The following BCLAF3 variants were observed in gnomAD, a reference collection of about 807,000 sequenced individuals.
BCLAF3 encodes BCLAF1 and THRAP3 family member 3.
In BCLAF3, 24 loss-of-function variants were observed where a neutral mutation model predicts 51.2. The observed-to-expected ratio is 0.47, with a 90% confidence interval of 0.34 to 0.66. The LOEUF (loss-of-function observed/expected upper bound fraction) is 0.66. BCLAF3 is among the 30% of genes least tolerant of loss of function. BCLAF3 has a pLI of 0.01. For synonymous variants in BCLAF3, 152 were observed against 176.6 expected, an observed-to-expected ratio of 0.86 and a Z score of 1.10; for missense variants, 465 against 525.1, an observed-to-expected ratio of 0.89 and a Z score of 1.12.
chrX:19,919,001 C>T (rs2070033120), intron 11 of BCLAF3, among the ~76,000 whole-genome samples: 2 of 111,348 alleles, frequency 1.8e-5, no homozygotes, highest in South Asian at 7.5e-4. Context: ...ACTACATAGC[C>T]ATCCTAAAGT....
intron 8 of BCLAF3, among the ~76,000 whole-genome samples, chrX:19,946,598 T>C (rs2071309053): frequency 8.9e-6 from 1 of 112,069 alleles, no homozygotes; most frequent in African/African-American, 3.2e-5. Context: ...CTTCTCTGGT[T>C]AGAACCCAAA....
intron 1 of BCLAF3, among the ~76,000 whole-genome samples, chrX:19,970,737 T>G (rs1169131635): frequency 1.8e-5 from 2 of 111,762 alleles, no homozygotes; most frequent in African/African-American, 6.5e-5. Context: ...ATATACTAGG[T>G]TAAAGGCACT....
chrX:19,918,484 C>T (rs2070000661), intron 11 of BCLAF3, among the ~76,000 whole-genome samples: 2 of 107,174 alleles, frequency 1.9e-5, no homozygotes, highest in African/African-American at 3.4e-5. Context: ...AACCTATCTC[C>T]ACTTGATCCC....
At chrX:19,921,572 G>A (rs2070159129) in intron 11 of BCLAF3, among the ~76,000 whole-genome samples, 1 of 108,991 alleles carries the variant, frequency 9.2e-6, no homozygotes, top group African/African-American at 3.4e-5. Context: ...GGAGGGTGGC[G>A]CATGCCTGTA....
chrX:19,964,926 C>T (rs1052530659), intron 4 of BCLAF3, 118 bp downstream of exon 4: 2 of 603,678 alleles, frequency 3.3e-6, no homozygotes, highest in Non-Finnish European at 4.7e-6. Flanking sequence ...GGGGAAAATT[C>T]TTGGCAATCC....
In BCLAF3 at chrX:19,966,567, C is replaced by A. The variant is rs754030858; in HGVS notation, c.124G>T (p.Asp42Tyr). The change falls in exon 3 of 12, where the codon GAT becomes TAT. Residue 42 changes from aspartate to tyrosine, a missense_variant. Physicochemically the swap from Asp to Tyr is radical, Grantham distance 160 (BLOSUM62 -3). Coordinates refer to ENST00000379682, the MANE Select transcript of BCLAF3 (RefSeq NM_001367774.2). ...CTCCACGCGACGGGTCTTTTTGGAT[C>A]CTTCCTATATTCACAGCCATAATGC... ...HGHYGCEYRK[D>Y]PKRPVAWRMD... 8.3e-7 allele frequency: 1 copy of A among 1,211,188 alleles called. No homozygotes were observed. Among genetic ancestry groups the A allele is most frequent in the African/African-American group, 1.7e-5 (1 of 57,628 alleles).
intron 4 of BCLAF3, among the ~76,000 whole-genome samples, chrX:19,956,358 G>C (rs755988383): frequency 2.7e-5 from 3 of 111,536 alleles, no homozygotes; most frequent in South Asian, 7.6e-4. Flanking sequence ...CATGTGGGGG[G>C]CTTAGAGCTT....
chrX:19,950,190 T>C (rs2071435062), intron 8 of BCLAF3, among the ~76,000 whole-genome samples: 1 of 112,018 alleles, frequency 8.9e-6, no homozygotes, highest in African/African-American at 3.2e-5. Context: ...GGTCAGCTTG[T>C]AAACTGAGAG....
At chrX:19,938,125 G>C (rs1371741434) in intron 8 of BCLAF3, among the ~76,000 whole-genome samples, 1 of 111,204 alleles carries the variant, frequency 9.0e-6, no homozygotes, top group East Asian at 2.8e-4. Context: ...CTGGGAGGGA[G>C]GTCCTTCCCT....
chrX:19,931,295 C>A lies in BCLAF3; in HGVS notation c.1951-1355G>T, dbSNP rs761451109. Among the ~76,000 whole-genome samples the A allele has an allele frequency of 1.5e-3, 172 of 111,520 alleles. 1 individual carries two copies. The highest frequency in any genetic ancestry group is 3.0e-3 in the Non-Finnish European group (157 of 53,120). On this transcript the variant is annotated intron_variant, in intron 10 of 11. Coordinates refer to ENST00000379682, the MANE Select transcript of BCLAF3 (RefSeq NM_001367774.2). ...TCTTCCCAAACAATTCTCCAAGTCT[C>A]CCTCCCTCACTCCCCCATATCACAC...
chrX:19,969,665 C>G (rs1289811906), intron 2 of BCLAF3, among the ~76,000 whole-genome samples: 2 of 111,765 alleles, frequency 1.8e-5, no homozygotes, highest in East Asian at 5.6e-4. Context: ...CCAGCCCAAC[C>G]ACGTGCTTGC....
intron 1 of BCLAF3, among the ~76,000 whole-genome samples, chrX:19,975,536 G>T (rs1363317202): frequency 9.0e-6 from 1 of 111,010 alleles, no homozygotes; most frequent in Non-Finnish European, 1.9e-5. Flanking sequence ...TAGAGACAGG[G>T]TTTCACCACG....
rs1314243386 is a variant in BCLAF3, at chrX:19,966,423, C to T, written c.268G>A (p.Val90Ile). The change falls in exon 3 of 12, where the codon GTT (valine) becomes ATT (isoleucine). Residue 90 changes from valine to isoleucine, a missense_variant. Val to Ile is a conservative substitution (Grantham distance 29). Transcript: ENST00000379682. ...SPNIRNSLENVYMYKPHRGYS... is the reference protein window; with the variant it reads ...SPNIRNSLENIYMYKPHRGYS... Reference sequence around the variant, plus strand: ...CCTCTGTGAGGCTTATACATATAAACATTTTCTAAAGAGTTTCTTATGTTA... The same window carrying T: ...CCTCTGTGAGGCTTATACATATAAATATTTTCTAAAGAGTTTCTTATGTTA... The T allele has an allele frequency of 1.7e-6, 2 of 1,209,576 alleles. No homozygotes were observed. Among genetic ancestry groups the T allele is most frequent in the East Asian group, 3.0e-5 (1 of 33,782 alleles).
chrX:19,934,937 G>A (rs983446212), intron 10 of BCLAF3, among the ~76,000 whole-genome samples: 8 of 111,955 alleles, frequency 7.1e-5, no homozygotes, highest in African/African-American at 2.6e-4. Flanking sequence ...TGTAATCCCA[G>A]CACTTTGGAA....
intron 1 of BCLAF3, among the ~76,000 whole-genome samples, chrX:19,985,953 G>GA (rs2072787169): frequency 9.2e-6 from 1 of 108,860 alleles, no homozygotes; most frequent in Non-Finnish European, 1.9e-5. Context: ...CTTGTCTCAG[G>GA]AAAAAACAAG....
intron 1 of BCLAF3, among the ~76,000 whole-genome samples, chrX:19,986,709 A>C (rs1348114544): frequency 9.0e-6 from 1 of 111,052 alleles, no homozygotes; most frequent in Non-Finnish European, 1.9e-5. Flanking sequence ...TCCAGCTGGG[A>C]AGGGAAGGGG....
intron 8 of BCLAF3, among the ~76,000 whole-genome samples, chrX:19,940,279 T>TA (rs200297862): frequency 3.6e-4 from 37 of 103,097 alleles, no homozygotes; most frequent in East Asian, 2.3e-3. Context: ...TTTATTTATT[T>TA]TTTTTTTTTT....
intron 1 of BCLAF3, among the ~76,000 whole-genome samples, 124 bp downstream of exon 1, chrX:19,990,784 G>A (rs2072910141): frequency 8.9e-6 from 1 of 111,741 alleles, no homozygotes; most frequent in South Asian, 3.6e-4. Flanking sequence ...CAGAACCCGA[G>A]TCGGACCGCC....
intron 10 of BCLAF3, among the ~76,000 whole-genome samples, chrX:19,931,682 C>T (rs947100649): frequency 9.8e-5 from 11 of 112,127 alleles, no homozygotes; most frequent in Admixed American, 8.6e-4. Context: ...GGTGACCCAG[C>T]GTCCTCTCTC....
Sources: gnomAD v4.1 joint callset for allele counts (sites outside exome capture counted in the v4.1 genomes callset) on GRCh38, gnomAD v4.1.1 for gene constraint, MANE v1.5 for transcripts, NCBI Gene and HGNC (gene_info 2026-07-23, HGNC 2026-07-21) for gene names.